PNLIPRP3: variants seen among roughly 807,000 people sequenced by gnomAD.
The protein encoded by PNLIPRP3 is pancreatic lipase-related protein 3.
Under a neutral mutation model 52.8 loss-of-function variants are expected in PNLIPRP3, and 58 were observed. That is an observed-to-expected ratio of 1.10 (90% CI 0.89 to 1.37). The LOEUF is 1.37. Ranked by LOEUF, PNLIPRP3 falls within the 40% of genes most tolerant of loss-of-function variation. The pLI, the probability that PNLIPRP3 is intolerant of heterozygous loss-of-function variation, is 0.00. For missense variants in PNLIPRP3, 593 were observed against 561.6 expected, an observed-to-expected ratio of 1.06 and a Z score of -0.57; for synonymous variants, 192 against 185.0, an observed-to-expected ratio of 1.04 and a Z score of -0.31.
intron 7 of PNLIPRP3, among the ~76,000 whole-genome samples, chr10:116,462,922 T>C (rs1426490617): frequency 6.6e-6 from 1 of 152,198 alleles, no homozygotes; most frequent in East Asian, 1.9e-4. Flanking sequence ...TGTTAAACCT[T>C]TGGATGAGTT....
At chr10:116,457,079 G>A (rs1290286879) in intron 5 of PNLIPRP3, among the ~76,000 whole-genome samples, 1 of 152,232 alleles carries the variant, frequency 6.6e-6, no homozygotes, top group Non-Finnish European at 1.5e-5. Flanking sequence ...TGCACGTGCT[G>A]TTGTCCCTCT....
chr10:116,453,948 C>G (rs1227893021), intron 4 of PNLIPRP3, among the ~76,000 whole-genome samples: 1 of 152,090 alleles, frequency 6.6e-6, no homozygotes, highest in African/African-American at 2.4e-5. Flanking sequence ...TCCCCCACCC[C>G]CAACAGGCCG....
At chr10:116,459,275 G>GAAA (rs1279382688) in intron 5 of PNLIPRP3, among the ~76,000 whole-genome samples, 2 of 129,614 alleles carry the variant, frequency 1.5e-5, no homozygotes, top group South Asian at 2.4e-4. Context: ...ATATTAGTCA[G>GAAA]AAAAATAAAA....
At chr10:116,434,742 T>C (rs911902689) in intron 1 of PNLIPRP3, among the ~76,000 whole-genome samples, 3 of 152,172 alleles carry the variant, frequency 2.0e-5, no homozygotes, top group Non-Finnish European at 4.4e-5. Flanking sequence ...TAAGGGCAAC[T>C]GGGCATTCTA....
At chr10:116,432,590 T>G (rs138883889) in intron 1 of PNLIPRP3, among the ~76,000 whole-genome samples, 70 of 152,294 alleles carry the variant, frequency 4.6e-4, no homozygotes, top group Non-Finnish European at 9.6e-4. Context: ...ATGTGGCAGT[T>G]GCTTAATAAA....
chr10:116,438,171 A>C (rs2133114306), intron 2 of PNLIPRP3, among the ~76,000 whole-genome samples: 1 of 152,298 alleles, frequency 6.6e-6, no homozygotes, highest in East Asian at 1.9e-4. Context: ...ACAGCGAAGC[A>C]GGCAGCCCAG....
At chr10:116,460,048 G>A (rs978161205) in intron 5 of PNLIPRP3, among the ~76,000 whole-genome samples, 16 of 152,160 alleles carry the variant, frequency 1.1e-4, no homozygotes, top group Non-Finnish European at 1.5e-4. Context: ...TTACAGGTGT[G>A]AGCCACCGCG....
At chr10:116,473,449 A>G (rs749762864) in intron 10 of PNLIPRP3, among the ~76,000 whole-genome samples, 3 of 152,214 alleles carry the variant, frequency 2.0e-5, no homozygotes, top group Non-Finnish European at 4.4e-5. Flanking sequence ...ATACAAATGT[A>G]AGCATATATT....
chr10:116,457,372 T>A (rs950138741), intron 5 of PNLIPRP3, among the ~76,000 whole-genome samples: 5 of 151,544 alleles, frequency 3.3e-5, no homozygotes, highest in African/African-American at 7.3e-5. Context: ...GCTCTCTCTC[T>A]CACACACACA....
chr10:116,443,452 G>A (rs1411810481), intron 3 of PNLIPRP3, among the ~76,000 whole-genome samples: 4 of 151,290 alleles, frequency 2.6e-5, no homozygotes, highest in Admixed American at 2.6e-4. Context: ...TTTAATTTAA[G>A]AAAAACAATT....
At position 116,477,513 on chromosome 10, in the gene PNLIPRP3, G is replaced by A. The variant is rs1297391516; in HGVS notation, c.*360G>A. 1.2e-5 allele frequency: 2 copies of A among 163,966 alleles called. No individual in the cohort carries two copies. The highest frequency in any genetic ancestry group is 2.6e-5 in the Non-Finnish European group (2 of 76,516). 10.2% of individuals were successfully genotyped at this position (163,966 alleles called of 1,614,324 possible). A position where few individuals can be genotyped will look rare whatever the true frequency, so the allele number is the denominator to read the frequency against. On this transcript the variant is annotated 3_prime_UTR_variant, in exon 12 of 12. Transcript: ENST00000369230. ...GCCTCTGGCTTGCTGAGTTTTTGAA[G>A]TATATTTTCAGGTATAATAATCATT...
chr10:116,429,243 T>C (rs1845676996), intron 1 of PNLIPRP3, among the ~76,000 whole-genome samples: 1 of 152,190 alleles, frequency 6.6e-6, no homozygotes, highest in Admixed American at 6.6e-5. Flanking sequence ...GTGTATAAGG[T>C]ATATATGAAA....
At position 116,469,330 on chromosome 10, in the gene PNLIPRP3, G is replaced by A; in HGVS notation, c.1060+13G>A. 4 of 1,593,610 alleles carry A rather than the reference G, an allele frequency of 2.5e-6. No homozygotes were observed. The highest frequency in any genetic ancestry group is 2.3e-5 in the East Asian group (1 of 44,156). On this transcript the variant is annotated intron_variant, in intron 9 of 11. Coordinates refer to ENST00000369230, the MANE Select transcript of PNLIPRP3 (RefSeq NM_001011709.3). ...TCCCCATTTGCCCGTAAGTATCATA[G>A]CTAAGTTTAATTGTAATGCTTTAAG...
At chr10:116,453,943 C>CA (rs1846075234) in intron 4 of PNLIPRP3, among the ~76,000 whole-genome samples, 1 of 152,074 alleles carries the variant, frequency 6.6e-6, no homozygotes, top group Admixed American at 6.6e-5. Context: ...CCTTGTCCCC[C>CA]ACCCCCAACA....
chr10:116,462,197 AAT>A (rs1458570600), intron 7 of PNLIPRP3, among the ~76,000 whole-genome samples: 5 of 152,098 alleles, frequency 3.3e-5, no homozygotes, highest in Non-Finnish European at 4.4e-5. Context: ...TAATAGTTAC[AAT>A]ATCTATATGG....
intron 4 of PNLIPRP3, 62 bp downstream of exon 4, chr10:116,444,575 G>C: frequency 6.7e-7 from 1 of 1,491,142 alleles, no homozygotes; most frequent in South Asian, 1.2e-5. Context: ...ACACTCAGAA[G>C]TTGGGACAAT....
chr10:116,466,493 T>C (rs1846283925), intron 8 of PNLIPRP3, among the ~76,000 whole-genome samples: 1 of 152,244 alleles, frequency 6.6e-6, no homozygotes, highest in Non-Finnish European at 1.5e-5. Context: ...TCTGCATATA[T>C]ATTTTAAATG....
At chr10:116,433,339 A>C (rs1192982091) in intron 1 of PNLIPRP3, among the ~76,000 whole-genome samples, 6 of 152,130 alleles carry the variant, frequency 3.9e-5, no homozygotes, top group Non-Finnish European at 8.8e-5. Context: ...CTACTCTTTG[A>C]AGAGTTTTTA....
At chr10:116,476,081 G>C (rs1846460506) in intron 10 of PNLIPRP3, among the ~76,000 whole-genome samples, 1 of 152,030 alleles carries the variant, frequency 6.6e-6, no homozygotes, top group Admixed American at 6.6e-5. Flanking sequence ...TGCCTTGGAT[G>C]GAACATACCT....
Sources: gnomAD v4.1 joint callset for allele counts (sites outside exome capture counted in the v4.1 genomes callset) on GRCh38, gnomAD v4.1.1 for gene constraint, MANE v1.5 for transcripts, NCBI Gene and HGNC (gene_info 2026-07-23, HGNC 2026-07-21) for gene names.